Variants in MAS1 observed in about 807,000 individuals in gnomAD.
MAS1 encodes proto-oncogene Mas.
For missense variants in MAS1, 387 were observed against 409.7 expected, an observed-to-expected ratio of 0.94 and a Z score of 0.48; for synonymous variants, 163 against 164.2, an observed-to-expected ratio of 0.99 and a Z score of 0.05.
chr6:159,903,412 A>C (rs1162416036), intron 2 of MAS1, among the ~76,000 whole-genome samples: 1 of 152,166 alleles, frequency 6.6e-6, no homozygotes, highest in Non-Finnish European at 1.5e-5. Context: ...GAGGCTGAGT[A>C]GTCTCTCCCA....
chr6:159,895,885 C>T (rs1006715159), intron 1 of MAS1, among the ~76,000 whole-genome samples: 2 of 152,098 alleles, frequency 1.3e-5, no homozygotes, highest in African/African-American at 4.8e-5. Context: ...AGAAATATGT[C>T]CTAGGGGAAT....
chr6:159,913,368 A>C lies in MAS1; in HGVS notation c.*5435A>C, dbSNP rs1782986226. ...ATAGAGTGAGACTCCGTCTCAAAAA[A>C]AAGAAAAATTATGCCAAAAAATTAA... On this transcript the variant is annotated 3_prime_UTR_variant, in exon 3 of 3. Coordinates refer to ENST00000674077, the MANE Select transcript of MAS1 (RefSeq NM_002377.4). 1 of 151,922 alleles carries C rather than the reference A, an allele frequency of 6.6e-6. No individual in the cohort carries two copies. The highest frequency in any genetic ancestry group is 6.6e-5 in the Admixed American group (1 of 15,264). The allele number at this position is 151,922 out of a possible 1,614,324, so 9.4% of individuals were successfully genotyped here.
chr6:159,892,011 A>C (rs1782704738), intron 1 of MAS1, among the ~76,000 whole-genome samples: 1 of 152,100 alleles, frequency 6.6e-6, no homozygotes, highest in Non-Finnish European at 1.5e-5. Context: ...CCATTGTGAC[A>C]ACCAAAAATA....
In MAS1 at chr6:159,910,028, T is replaced by C. The variant is rs1308747557; in HGVS notation, c.*2095T>C. ...AAAGTGAACTGTAAGGTTAAAACTA[T>C]AACAAGAAGATTTAAGTAAATTTGC... On this transcript the variant is annotated 3_prime_UTR_variant, in exon 3 of 3. Coordinates refer to ENST00000674077, the MANE Select transcript of MAS1 (RefSeq NM_002377.4). The C allele has an allele frequency of 7.2e-5, 11 of 152,204 alleles. No individual in the cohort carries two copies. The highest frequency in any genetic ancestry group is 2.7e-4 in the African/African-American group (11 of 41,446). The allele number at this position is 152,204 out of a possible 1,614,324, so 9.4% of individuals were successfully genotyped here.
In MAS1 at chr6:159,898,049, G is replaced by C. The variant is rs376702148; in HGVS notation, c.-243-1137G>C. Reference sequence around the variant, plus strand: ...TGGGATTACAAGTACATGCCACCACGCCCGGATAATTTTTGTATTTTTAGT... The same window carrying C: ...TGGGATTACAAGTACATGCCACCACCCCCGGATAATTTTTGTATTTTTAGT... On this transcript the variant is annotated intron_variant, in intron 1 of 2. Transcript: ENST00000674077. Among the ~76,000 whole-genome samples the C allele has an allele frequency of 5.9e-5, 9 of 151,854 alleles. No homozygotes were observed. The East Asian group carries it at 1.7e-3, about 29-fold the overall frequency.
At chr6:159,900,229 A>C (rs535106015) in intron 2 of MAS1, among the ~76,000 whole-genome samples, 2 of 152,236 alleles carry the variant, frequency 1.3e-5, no homozygotes, top group Admixed American at 1.3e-4. Context: ...CTGTTGGGGA[A>C]GGCTCACTGA....
intron 2 of MAS1, 79 bp from the exon 3 acceptor site, chr6:159,906,824 TGAAGATTATGATTTATA>T (rs1466376901): frequency 2.0e-6 from 2 of 976,420 alleles, no homozygotes; most frequent in African/African-American, 3.3e-5. Flanking sequence ...TTTAATAACA[TGAAGATTATGATTTATA>T]GCTGAATTTC....
intron 1 of MAS1, among the ~76,000 whole-genome samples, chr6:159,893,468 A>G (rs1292509096): frequency 1.3e-5 from 2 of 152,134 alleles, no homozygotes; most frequent in Non-Finnish European, 2.9e-5. Flanking sequence ...GGGGCAGGGG[A>G]AGAGCAGTGG....
rs1377852655 is a variant in MAS1, at chr6:159,915,585, A to C, written c.*7652A>C. On this transcript the variant is annotated 3_prime_UTR_variant, in exon 3 of 3. Transcript: ENST00000674077. ...ACACCAGCCTGTTAATGCCTGAGGCAGAGGCCTCTGGAATGAGAAAACAGG... is the reference window on the plus strand; with the variant it reads ...ACACCAGCCTGTTAATGCCTGAGGCCGAGGCCTCTGGAATGAGAAAACAGG... The C allele has an allele frequency of 1.3e-5, 2 of 152,220 alleles. No individual in the cohort carries two copies. The highest frequency in any genetic ancestry group is 4.8e-5 in the African/African-American group (2 of 41,446). The allele number at this position is 152,220 out of a possible 1,614,324, so 9.4% of individuals were successfully genotyped here.
rs201984343 is a variant in MAS1, at chr6:159,907,508, C to T, written c.553C>T (p.Arg185Ter). Residue 185 changes from arginine (R) to a stop codon, truncating the protein, a stop_gained, in exon 3 of 3, where the codon CGA becomes TGA. Transcript: ENST00000674077. LOFTEE classifies it low-confidence loss of function (END_TRUNC). ...EEESHSRNDC[R>*]AVIIFIAILS... ...AGAGAGTCACTCTCGGAATGACTGCCGAGCAGTCATCATCTTTATAGCCAT... is the reference window on the plus strand; with the variant it reads ...AGAGAGTCACTCTCGGAATGACTGCTGAGCAGTCATCATCTTTATAGCCAT... The T allele has an allele frequency of 5.3e-5, 86 of 1,613,706 alleles. 1 individual carries two copies. Among genetic ancestry groups the T allele is most frequent in the South Asian group, 1.4e-4 (13 of 91,070 alleles).
intron 2 of MAS1, among the ~76,000 whole-genome samples, chr6:159,900,122 C>T (rs781142603): frequency 2.0e-5 from 3 of 152,148 alleles, no homozygotes; most frequent in Admixed American, 1.3e-4. Context: ...ATTGAGTTGA[C>T]CCAGAGAGAA....
At chr6:159,897,911 G>A (rs1393870423) in intron 1 of MAS1, among the ~76,000 whole-genome samples, 1 of 150,118 alleles carries the variant, frequency 6.7e-6, no homozygotes, top group Non-Finnish European at 1.5e-5. Flanking sequence ...TTTCTTTTTT[G>A]AGATGGAGTC....
Position 159,913,658 on chromosome 6 carries a change from T to C in MAS1, c.*5725T>C, listed in dbSNP as rs1320538106. ...TTTGGGTTTCTTACAACATGGTGAT[T>C]GTGTTCTGGAAGGAAGTCTCCTGAG... On this transcript the variant is annotated 3_prime_UTR_variant, in exon 3 of 3. Coordinates refer to ENST00000674077, the MANE Select transcript of MAS1 (RefSeq NM_002377.4). The C allele has an allele frequency of 6.6e-6, 1 of 152,188 alleles. No individual in the cohort carries two copies. The highest frequency in any genetic ancestry group is 2.4e-5 in the African/African-American group (1 of 41,458). 9.4% of individuals were successfully genotyped at this position (152,188 alleles called of 1,614,324 possible).
Position 159,899,399 on chromosome 6 carries a change from A to T in MAS1, c.-37+7A>T, listed in dbSNP as rs1782797473. The stretch of plus-strand genomic sequence containing the variant: ...CCCAGGCTGTCACTGCCAGGTAAAC[A>T]TGCATCCCTGCAAATGCAAGTGCTG... On this transcript the variant is annotated splice_region_variant and intron_variant, in intron 2 of 2. Coordinates refer to ENST00000674077, the MANE Select transcript of MAS1 (RefSeq NM_002377.4). 6.6e-6 allele frequency: 1 copy of T among 152,330 alleles called. No homozygotes were observed. 9.4% of individuals were successfully genotyped at this position (152,330 alleles called of 1,614,324 possible). A position where few individuals can be genotyped will look rare whatever the true frequency, so the allele number is the denominator to read the frequency against.
upstream of MAS1, among the ~76,000 whole-genome samples, chr6:159,890,777 C>T (rs182840427): frequency 1.9e-4 from 29 of 152,324 alleles, no homozygotes; most frequent in South Asian, 5.0e-3. Context: ...CATTTCTCCA[C>T]GTCATCTTTC....
At chr6:159,896,638 A>G (rs748132108) in intron 1 of MAS1, among the ~76,000 whole-genome samples, 7 of 152,130 alleles carry the variant, frequency 4.6e-5, no homozygotes, top group Admixed American at 1.3e-4. Flanking sequence ...AAAAGAAAAT[A>G]TCCCCATTTT....
Position 159,915,780 on chromosome 6 carries a change from AG to A in MAS1, c.*7850del, listed in dbSNP as rs995906053. 1 of 152,464 alleles carries A rather than the reference AG, an allele frequency of 6.6e-6. No homozygotes were observed. The highest frequency in any genetic ancestry group is 2.4e-5 in the African/African-American group (1 of 41,460). The allele number at this position is 152,464 out of a possible 1,614,324, so 9.4% of individuals were successfully genotyped here. A position where few individuals can be genotyped will look rare whatever the true frequency, so the allele number is the denominator to read the frequency against. On this transcript the variant is annotated 3_prime_UTR_variant, in exon 3 of 3. Transcript: ENST00000674077. ...ATGGGAGAAAGTGGGGAATTTAGAC[AG>A]GGAAAGGAGGAAGTTAGCAAAGGGT...
In MAS1 at chr6:159,916,808, G is replaced by A. The variant is rs1444115479; in HGVS notation, c.*8875G>A. The stretch of plus-strand genomic sequence containing the variant: ...GATAGCAGCCACTCTTGGCTTTGCG[G>A]GCCGTACAGTCTGTGCTGCAATGAC... On this transcript the variant is annotated 3_prime_UTR_variant, in exon 3 of 3. Coordinates refer to ENST00000674077, the MANE Select transcript of MAS1 (RefSeq NM_002377.4). 3.9e-5 allele frequency among the ~76,000 whole-genome samples: 6 copies of A among 152,248 alleles called. No individual in the cohort carries two copies. Among genetic ancestry groups the A allele is most frequent in the Non-Finnish European group, 7.3e-5 (5 of 68,048 alleles).
chr6:159,904,639 A>C (rs908927406), intron 2 of MAS1, among the ~76,000 whole-genome samples: 5 of 152,130 alleles, frequency 3.3e-5, no homozygotes, highest in Non-Finnish European at 7.4e-5. Flanking sequence ...TGTCACCTGA[A>C]CACAGGGGCC....
Sources: gnomAD v4.1 joint callset for allele counts (sites outside exome capture counted in the v4.1 genomes callset) on GRCh38, gnomAD v4.1.1 for gene constraint, MANE v1.5 for transcripts, NCBI Gene and HGNC (gene_info 2026-07-23, HGNC 2026-07-21) for gene names.